Variants in GSE1 observed in about 807,000 individuals in gnomAD.
GSE1 encodes the protein Gse1 coiled-coil protein.
In GSE1, 32 loss-of-function variants were observed where a neutral mutation model predicts 112.6. That is an observed-to-expected ratio of 0.28 (90% CI 0.21 to 0.38). GSE1 has a LOEUF of 0.38. Ranked by LOEUF, GSE1 falls within the 10% of genes least tolerant of loss-of-function variation. The probability of loss-of-function intolerance (pLI) is 1.00; values close to 1 mark genes in which losing one functional copy is unlikely to be tolerated. For synonymous variants in GSE1, 1,115 were observed against 735.6 expected, an observed-to-expected ratio of 1.52 and a Z score of -8.35; for missense variants, 2,348 against 1,699.2, an observed-to-expected ratio of 1.38 and a Z score of -6.71.
chr16:85,197,309 G>A (rs2074946548), intron 1 of GSE1, among the ~76,000 whole-genome samples: 1 of 152,156 alleles, frequency 6.6e-6, no homozygotes, highest in Admixed American at 6.5e-5. Flanking sequence ...CCCAATGCCT[G>A]GGAAAGGGAG....
intron 1 of GSE1, among the ~76,000 whole-genome samples, chr16:85,316,738 T>G (rs2045994129): frequency 6.6e-6 from 1 of 152,086 alleles, no homozygotes; most frequent in South Asian, 2.1e-4. Flanking sequence ...TCCGCAGGGG[T>G]TACCATCCAC....
chr16:85,423,428 C>T (rs2151744353), intron 2 of GSE1, among the ~76,000 whole-genome samples: 1 of 152,350 alleles, frequency 6.6e-6, no homozygotes, highest in East Asian at 1.9e-4. Flanking sequence ...CACCCCCAGC[C>T]AGAGTCCCAG....
chr16:85,399,209 G>A (rs1409138475), intron 2 of GSE1, among the ~76,000 whole-genome samples: 1 of 152,070 alleles, frequency 6.6e-6, no homozygotes, highest in Non-Finnish European at 1.5e-5. Context: ...GGTGCTGTGG[G>A]GAGCCCTCCA....
chr16:85,648,518 G>C (rs755007538), intron 2 of GSE1, 34 bp from the exon 3 acceptor site: 5 of 1,228,010 alleles, frequency 4.1e-6, no homozygotes, highest in South Asian at 1.5e-5. Flanking sequence ...TGTCACTGCG[G>C]CTCCCACTCA....
intron 2 of GSE1, among the ~76,000 whole-genome samples, chr16:85,391,028 C>G (rs551765883): frequency 6.6e-6 from 1 of 151,890 alleles, no homozygotes; most frequent in Non-Finnish European, 1.5e-5. Context: ...CAGGACAAGG[C>G]GCCAGCCTCC....
At chr16:85,589,999 ACTGTGTGAC>A (rs2046912742) in intron 1 of GSE1, among the ~76,000 whole-genome samples, 1 of 151,676 alleles carries the variant, frequency 6.6e-6, no homozygotes, top group East Asian at 1.9e-4. Context: ...TGAATGTGAG[ACTGTGTGAC>A]CTGTGTGAAT....
At chr16:85,322,614 C>CTTT (rs34218941) in intron 1 of GSE1, among the ~76,000 whole-genome samples, 1 of 126,234 alleles carries the variant, frequency 7.9e-6, no homozygotes, top group Non-Finnish European at 1.7e-5. Flanking sequence ...CTCCATTTTG[C>CTTT]TTTTTTTTTT....
Position 85,672,810 on chromosome 16 carries a change from A to C in GSE1, c.*271A>C. The stretch of plus-strand genomic sequence containing the variant: ...GTGGTTTTCGCCCTTCCTCTCCCAC[A>C]TTATTTCTTAATCTGAACATGAAGG... On this transcript the variant is annotated 3_prime_UTR_variant, in exon 16 of 16. Transcript: ENST00000253458. The C allele has an allele frequency of 3.9e-6, 1 of 258,362 alleles. No individual in the cohort carries two copies. The highest frequency in any genetic ancestry group is 7.4e-5 in the East Asian group (1 of 13,526). 16.0% of individuals were successfully genotyped at this position (258,362 alleles called of 1,614,324 possible). A position where few individuals can be genotyped will look rare whatever the true frequency, so the allele number is the denominator to read the frequency against.
intron 8 of GSE1, 106 bp from the exon 9 acceptor site, chr16:85,661,040 G>T: frequency 1.9e-6 from 2 of 1,062,034 alleles, no homozygotes; most frequent in Non-Finnish European, 2.7e-6. Context: ...GCTCTCTAAG[G>T]GGCTGCGCCA....
intron 2 of GSE1, among the ~76,000 whole-genome samples, chr16:85,509,551 G>A (rs1355732788): frequency 1.3e-5 from 2 of 152,226 alleles, no homozygotes; most frequent in Admixed American, 6.5e-5. Flanking sequence ...CCTGGCCCTC[G>A]CTGTCATCAG....
rs1028543081 is a variant in GSE1, at chr16:85,535,549, G to A, written c.2465-98365G>A. ...CTCCTTATCTGGGCCCGGGAGAGAG[G>A]GATTAAAAAGCAAAGCCACCGCGGC... is the stretch of plus-strand genomic sequence containing the variant. On this transcript the variant is annotated intron_variant, in intron 2 of 2. Coordinates refer to the GSE1 transcript ENST00000637419. 5.8e-4 allele frequency among the ~76,000 whole-genome samples: 88 copies of A among 152,298 alleles called. 1 individual carries two copies. Among genetic ancestry groups the A allele is most frequent in the African/African-American group, 1.9e-3 (78 of 41,556 alleles).
rs1250321649 is a variant in GSE1, at chr16:85,519,577, C to T, written c.2465-114337C>T. 2.6e-4 allele frequency among the ~76,000 whole-genome samples: 35 copies of T among 133,252 alleles called. 1 individual carries two copies. The highest frequency in any genetic ancestry group is 1.2e-3 in the East Asian group (5 of 4,288). The allele number at this position is 133,252 out of a possible 152,430, so 87.4% of individuals were successfully genotyped here. On this transcript the variant is annotated intron_variant, in intron 2 of 2. Transcript: ENST00000637419. ...CCATCACTATCATCATCACCATCAC[C>T]AGTCTCCATCATCATCACCTTCACC... is the stretch of plus-strand genomic sequence containing the variant.
chr16:85,515,727 G>A (rs924860294), intron 2 of GSE1, among the ~76,000 whole-genome samples: 5 of 152,002 alleles, frequency 3.3e-5, no homozygotes, highest in African/African-American at 7.3e-5. Context: ...CCTGAGGTCT[G>A]AGGCTAGGAT....
chr16:85,613,216 TC>T (rs765950697), upstream of GSE1: 79 of 1,489,056 alleles, frequency 5.3e-5, no homozygotes, highest in Non-Finnish European at 6.9e-5. Flanking sequence ...TTTGGGTGTG[TC>T]CTCGGCGGCG....
intron 2 of GSE1, among the ~76,000 whole-genome samples, chr16:85,375,089 G>A (rs1273112163): frequency 1.3e-5 from 2 of 152,210 alleles, no homozygotes; most frequent in Non-Finnish European, 2.9e-5. Flanking sequence ...GCCATCAAGG[G>A]GAGTCAGCAG....
At chr16:85,183,044 C>T (rs868082222) in intron 1 of GSE1, among the ~76,000 whole-genome samples, 11 of 152,162 alleles carry the variant, frequency 7.2e-5, no homozygotes, top group East Asian at 1.9e-4. Flanking sequence ...GCATCACTCC[C>T]GTGCACACTC....
chr16:85,302,708 CT>C (rs934158787), intron 1 of GSE1, among the ~76,000 whole-genome samples: 7 of 152,176 alleles, frequency 4.6e-5, no homozygotes, highest in African/African-American at 1.7e-4. Flanking sequence ...ACAAGCACCC[CT>C]GGTAATTCTG....
intron 2 of GSE1, among the ~76,000 whole-genome samples, chr16:85,372,485 A>C (rs2047322747): frequency 3.7e-5 from 1 of 26,770 alleles, no homozygotes; most frequent in Non-Finnish European, 9.0e-5. Context: ...ACTCTGTCTC[A>C]CAAAAAAAAA....
intron 1 of GSE1, among the ~76,000 whole-genome samples, chr16:85,176,668 C>G (rs1358123283): frequency 2.0e-5 from 3 of 152,272 alleles, no homozygotes. Flanking sequence ...AGCTGTTTAC[C>G]TAACCATACC....
Sources: gnomAD v4.1 joint callset for allele counts (sites outside exome capture counted in the v4.1 genomes callset) on GRCh38, gnomAD v4.1.1 for gene constraint, MANE v1.5 for transcripts, NCBI Gene and HGNC (gene_info 2026-07-23, HGNC 2026-07-21) for gene names.